VTI1A: variants seen among roughly 807,000 people sequenced by gnomAD.
The protein encoded by VTI1A is vesicle transport through interaction with t-SNAREs 1A.
VTI1A carries 22 observed loss-of-function variants against 34.9 expected under a neutral mutation model. The ratio of observed to expected loss-of-function variants is 0.63; its 90% CI spans 0.45 to 0.90. The LOEUF is 0.90. Ranked by LOEUF, VTI1A falls within the 40% of genes least tolerant of loss-of-function variation. The pLI is 0.00. For synonymous variants in VTI1A, 87 were observed against 97.3 expected (o/e 0.89, Z 0.62); for missense variants, 268 against 275.6 (o/e 0.97, Z 0.20).
chr10:112,548,729 A>G, intron 5 of VTI1A: 1 of 1,390,966 alleles, frequency 7.2e-7, no homozygotes, highest in Non-Finnish European at 1.0e-6. Flanking sequence ...TGTCTATCTC[A>G]TATCACGAAG....
chr10:112,542,741 A>C (rs1850914762), intron 5 of VTI1A, among the ~76,000 whole-genome samples: 1 of 152,142 alleles, frequency 6.6e-6, no homozygotes, highest in Non-Finnish European at 1.5e-5. Flanking sequence ...TCCTCATTTT[A>C]AAGATGAGAA....
At position 112,794,292 on chromosome 10, in the gene VTI1A, C is replaced by T. The variant is rs533129775; in HGVS notation, c.561-20998C>T. 2.6e-5 allele frequency among the ~76,000 whole-genome samples: 4 copies of T among 152,294 alleles called. No individual in the cohort carries two copies. In the South Asian group the frequency reaches 6.2e-4, roughly 24 times the overall value. ...ATGATCCTGGCCAGGCGCATTGGCT[C>T]ATGCCTGTAATCCCAGCACTGTGGG... On this transcript the variant is annotated intron_variant, in intron 7 of 7. Transcript: ENST00000393077.
In VTI1A at chr10:112,793,360, G is replaced by A. The variant is rs149707201; in HGVS notation, c.561-21930G>A. 2.0e-3 allele frequency among the ~76,000 whole-genome samples: 301 copies of A among 152,306 alleles called. 3 individuals carry two copies. The highest frequency in any genetic ancestry group is 6.8e-3 in the African/African-American group (284 of 41,570). On this transcript the variant is annotated intron_variant, in intron 7 of 7. Transcript: ENST00000393077. The stretch of plus-strand genomic sequence containing the variant: ...TGAAATGTTGGCATTTCCTATCAGT[G>A]CATGTTAGCATCTGAGGCTGTATAC...
chr10:112,580,048 T>A (rs1026287362), intron 5 of VTI1A, among the ~76,000 whole-genome samples: 2 of 152,118 alleles, frequency 1.3e-5, no homozygotes, highest in Non-Finnish European at 2.9e-5. Context: ...AATTATTATT[T>A]TTTTTCTTAC....
chr10:112,811,130 T>C lies in VTI1A; in HGVS notation c.561-4160T>C, dbSNP rs901924640. Among the ~76,000 whole-genome samples, 7 of 152,248 alleles carry C rather than the reference T, an allele frequency of 4.6e-5. 2 individuals carry two copies. Among genetic ancestry groups the C allele is most frequent in the East Asian group, 1.9e-4 (1 of 5,150 alleles). On this transcript the variant is annotated intron_variant, in intron 7 of 7. Coordinates refer to ENST00000393077, the MANE Select transcript of VTI1A (RefSeq NM_145206.4). ...GTGACAACCCCCAGTCCTCAATGGCTTAACGCAAGTCCACTGGGAGTCCAG... is the reference window on the plus strand; with the variant it reads ...GTGACAACCCCCAGTCCTCAATGGCCTAACGCAAGTCCACTGGGAGTCCAG...
At chr10:112,784,346 C>T (rs920745623) in intron 7 of VTI1A, among the ~76,000 whole-genome samples, 7 of 152,186 alleles carry the variant, frequency 4.6e-5, no homozygotes, top group African/African-American at 1.7e-4. Flanking sequence ...CACCCAGCAT[C>T]TGCTTTTCGA....
chr10:112,850,650 T>C, the VTI1A span, among the ~76,000 whole-genome samples: 1 of 152,194 alleles, frequency 6.6e-6, no homozygotes, highest in Non-Finnish European at 1.5e-5. Flanking sequence ...ATTTTATTTC[T>C]CTTATTTTGT....
rs1158037214 is a variant in VTI1A, at chr10:112,767,476, G to A, written c.561-47814G>A. Among the ~76,000 whole-genome samples the A allele has an allele frequency of 6.6e-6, 1 of 152,206 alleles. No homozygotes were observed. The highest frequency in any genetic ancestry group is 2.4e-5 in the African/African-American group (1 of 41,436). ...GTGCCTATTCAATGCCGAATATGAA[G>A]TAAAATCTGTCAGATTAAAAGCACA... is the stretch of plus-strand genomic sequence containing the variant. On this transcript the variant is annotated intron_variant, in intron 7 of 7. Coordinates refer to ENST00000393077, the MANE Select transcript of VTI1A (RefSeq NM_145206.4). This position sits in a 1 kb window ranked among gnomAD's most constrained non-coding sequence, Gnocchi z 4.0.
intron 1 of VTI1A, among the ~76,000 whole-genome samples, chr10:112,459,123 A>C (rs1847643767): frequency 6.6e-6 from 1 of 152,222 alleles, no homozygotes; most frequent in Non-Finnish European, 1.5e-5. Context: ...ACATAAACCC[A>C]GTTTTAAATA....
intron 7 of VTI1A, among the ~76,000 whole-genome samples, chr10:112,687,112 G>C (rs1257643316): frequency 6.7e-6 from 1 of 149,438 alleles, no homozygotes; most frequent in Non-Finnish European, 1.5e-5. Context: ...GCCAGGGCTA[G>C]ATCCTGGAGG....
At chr10:112,769,177 C>G (rs1027156147) in intron 7 of VTI1A, among the ~76,000 whole-genome samples, 2 of 152,062 alleles carry the variant, frequency 1.3e-5, no homozygotes, top group Non-Finnish European at 1.5e-5. Context: ...TAATTACATC[C>G]ACAAGTAAGT....
At chr10:112,489,446 T>C (rs1173456821) in intron 3 of VTI1A, among the ~76,000 whole-genome samples, 1 of 152,204 alleles carries the variant, frequency 6.6e-6, no homozygotes, top group African/African-American at 2.4e-5. Flanking sequence ...TTAAGTAATA[T>C]TAGTGAAATA....
chr10:112,764,572 C>T (rs1485730688), intron 7 of VTI1A, among the ~76,000 whole-genome samples: 1 of 152,134 alleles, frequency 6.6e-6, no homozygotes, highest in Non-Finnish European at 1.5e-5. Context: ...CATACTGACA[C>T]CATTAATAGT....
chr10:112,568,620 T>C (rs1379477861), intron 5 of VTI1A, among the ~76,000 whole-genome samples: 4 of 152,164 alleles, frequency 2.6e-5, no homozygotes, highest in Non-Finnish European at 4.4e-5. Context: ...AAATGGTTCT[T>C]GGAAAGGTTA....
intron 7 of VTI1A, among the ~76,000 whole-genome samples, chr10:112,711,478 C>T (rs867916727): frequency 3.2e-4 from 48 of 152,150 alleles, no homozygotes; most frequent in African/African-American, 9.7e-4. Flanking sequence ...ATAATCACCC[C>T]GGACATTTGT....
At chr10:112,530,649 T>C (rs1850386074) in intron 4 of VTI1A, among the ~76,000 whole-genome samples, 1 of 152,170 alleles carries the variant, frequency 6.6e-6, no homozygotes, top group South Asian at 2.1e-4. Flanking sequence ...GAAAGTTTTG[T>C]GGCAAAGCAA....
intron 5 of VTI1A, among the ~76,000 whole-genome samples, chr10:112,626,083 A>T (rs970451522): frequency 5.4e-4 from 82 of 151,950 alleles, no homozygotes; most frequent in African/African-American, 1.9e-3. Flanking sequence ...TTTTTTTTGT[A>T]ATGATTTCGC....
At chr10:112,733,378 CA>C (rs988627839) in intron 7 of VTI1A, among the ~76,000 whole-genome samples, 3 of 152,104 alleles carry the variant, frequency 2.0e-5, no homozygotes, top group South Asian at 2.1e-4. Context: ...GCCCATTAAA[CA>C]GTTGCTTCCC....
At chr10:112,570,662 G>C (rs766839125) in intron 5 of VTI1A, among the ~76,000 whole-genome samples, 60 of 152,206 alleles carry the variant, frequency 3.9e-4, no homozygotes, top group Non-Finnish European at 8.2e-4. Context: ...GAATACCTCT[G>C]TGCATACATC....
Sources: gnomAD v4.1 joint callset for allele counts (sites outside exome capture counted in the v4.1 genomes callset) on GRCh38, gnomAD v4.1.1 for gene constraint, Gnocchi (gnomAD v3.1) non-coding constraint, MANE v1.5 for transcripts, NCBI Gene and HGNC (gene_info 2026-07-23, HGNC 2026-07-21) for gene names.